Variants in BTBD19 observed in about 807,000 individuals in gnomAD.
BTBD19 encodes BTB/POZ domain-containing protein 19.
In BTBD19, 20 loss-of-function variants were observed where a neutral mutation model predicts 36.1. That is an observed-to-expected ratio of 0.55 (90% CI 0.39 to 0.80). The LOEUF is 0.80. Ranked by LOEUF, BTBD19 falls within the 30% of genes least tolerant of loss-of-function variation. The probability of loss-of-function intolerance (pLI) is 0.00; values close to 1 mark genes in which losing one functional copy is unlikely to be tolerated. For missense variants in BTBD19, 325 were observed against 389.8 expected, an observed-to-expected ratio of 0.83 and a Z score of 1.40; for synonymous variants, 157 against 174.3, an observed-to-expected ratio of 0.90 and a Z score of 0.78.
Position 44,813,033 on chromosome 1 carries a change from G to A in BTBD19, c.452G>A (p.Arg151His), listed in dbSNP as rs1002634583. 1.3e-6 allele frequency: 2 copies of A among 1,551,432 alleles called. No individual in the cohort carries two copies. The highest frequency in any genetic ancestry group is 8.7e-7 in the Non-Finnish European group (1 of 1,146,806). ...TTTGGCCTGGGGCAGCTGCAGGAGC[G>A]CTGCGTGGCTTTCATAGAGGCCCAC... is the stretch of plus-strand genomic sequence containing the variant. The change falls in exon 5 of 8, where the codon CGC becomes CAC. Residue 151 changes from arginine (R) to histidine (H), a missense_variant. Coordinates refer to ENST00000450269, the Ensembl canonical transcript of BTBD19. This position sits in a 1 kb window ranked among gnomAD's most constrained non-coding sequence, Gnocchi z 7.8.
rs1652540554 is a variant in BTBD19, at chr1:44,813,580, C to T, written c.742-58C>T. 5 of 1,534,574 alleles carry T rather than the reference C, an allele frequency of 3.3e-6. No homozygotes were observed. Among genetic ancestry groups the T allele is most frequent in the Non-Finnish European group, 4.4e-6 (5 of 1,135,912 alleles). The stretch of plus-strand genomic sequence containing the variant: ...GAGGGGGCAGGAGCAGCCCGGCCCA[C>T]GGTCCTCGGGGCGAGGGGCCACCGC... On this transcript the variant is annotated intron_variant, in intron 7 of 7. Coordinates refer to ENST00000450269, the Ensembl canonical transcript of BTBD19. The surrounding 1 kb of genome is among the most constrained non-coding windows in gnomAD (Gnocchi z 7.8).
At chr1:44,809,403 C>T (rs2148862005) in intron 1 of BTBD19, among the ~76,000 whole-genome samples, 1 of 152,282 alleles carries the variant, frequency 6.6e-6, no homozygotes, top group South Asian at 2.1e-4. Context: ...GCCGGGATGC[C>T]AGTGGTGTCT....
At chr1:44,809,741 G>A (rs1557631160) in intron 1 of BTBD19, among the ~76,000 whole-genome samples, 2 of 152,144 alleles carry the variant, frequency 1.3e-5, no homozygotes, top group Non-Finnish European at 1.5e-5. Flanking sequence ...GTTTGCAGTC[G>A]TTGTGCACTC....
chr1:44,814,164 T>TTCTG (rs1460344168), downstream of BTBD19: 11 of 120,822 alleles, frequency 9.1e-5, no homozygotes, highest in African/African-American at 4.2e-4. Context: ...CTTTCTTTCT[T>TTCTG]TCTTTCTTTC....
Position 44,813,265 on chromosome 1 carries a change from G to A in BTBD19, c.611G>A (p.Gly204Asp). 6.5e-7 allele frequency: 1 copy of A among 1,536,152 alleles called. No homozygotes were observed. Among genetic ancestry groups the A allele is most frequent in the Non-Finnish European group, 8.7e-7 (1 of 1,143,596 alleles). The change falls in exon 6 of 8, where the codon GGC (glycine) becomes GAC (aspartate). Residue 204 changes from glycine to aspartate, a missense_variant. Gly to Asp is a moderately conservative substitution (Grantham distance 94). Transcript: ENST00000450269. This position sits in a 1 kb window ranked among gnomAD's most constrained non-coding sequence, Gnocchi z 7.8. ...GCGGCCCGAAGCTGGGCGCGCGTGGGCGCGGTGAGTGGGGCTGGGGGAGCG... is the reference window on the plus strand; with the variant it reads ...GCGGCCCGAAGCTGGGCGCGCGTGGACGCGGTGAGTGGGGCTGGGGGAGCG...
chr1:44,814,166 C>CTTTCTT (rs1243107250), downstream of BTBD19: 84 of 137,122 alleles, frequency 6.1e-4, 2 homozygotes, highest in East Asian at 0.017. Context: ...TTCTTTCTTT[C>CTTTCTT]TTTCTTTCTT....
rs1379077841 is a variant in BTBD19 at position 44,810,605 on chromosome 1, G to A, written c.352G>A (p.Glu118Lys). 1 of 1,543,020 alleles carries A rather than the reference G, an allele frequency of 6.5e-7. No individual in the cohort carries two copies. The highest frequency in any genetic ancestry group is 2.5e-5 in the East Asian group (1 of 40,782). The stretch of plus-strand genomic sequence containing the variant: ...GGAGTATGGGCTGGAGGAACTGAGA[G>A]AGGTGGGTTTTTGTGCCAGGTCCCT... Residue 118 changes from glutamate to lysine, a missense_variant and splice_region_variant, in exon 3 of 8, where the codon GAG becomes AAG. By Grantham distance (56) the Glu-to-Lys change is moderately conservative. Transcript: ENST00000450269. The surrounding 1 kb of genome is among the most constrained non-coding windows in gnomAD (Gnocchi z 4.2).
At chr1:44,812,464 TG>T (rs1158260257) in intron 4 of BTBD19, 2 of 454,544 alleles carry the variant, frequency 4.4e-6, no homozygotes, top group Admixed American at 4.7e-5. Flanking sequence ...TCAGCACTTT[TG>T]GAGGCCGAGG....
chr1:44,812,869 A>T (rs1652489052), intron 4 of BTBD19, 127 bp from the exon 5 acceptor site: 4 of 726,210 alleles, frequency 5.5e-6, no homozygotes, highest in Non-Finnish European at 8.8e-6. Flanking sequence ...AGTTTCCTGG[A>T]GGGCTGAGGG....
exon 8 of BTBD19, chr1:44,814,004 G>C (rs1356344316): frequency 1.3e-5 from 8 of 636,814 alleles, no homozygotes; most frequent in African/African-American, 7.4e-5. Context: ...CCCTGAGGGG[G>C]TGAAACTCGA....
chr1:44,814,172 T>TTCTG (rs200696633), downstream of BTBD19: 84 of 140,802 alleles, frequency 6.0e-4, 1 homozygote, highest in African/African-American at 2.7e-3. Context: ...CTTTCTTTCT[T>TTCTG]TCTTTCTTTC....
At chr1:44,808,966 T>A in intron 1 of BTBD19, 60 bp downstream of exon 1, 1 of 1,368,586 alleles carries the variant, frequency 7.3e-7, no homozygotes, top group Non-Finnish European at 9.9e-7. Flanking sequence ...CCCAGGACTC[T>A]AAGGAGGCCC....
At position 44,808,833 on chromosome 1, in the gene BTBD19, G is replaced by T; in HGVS notation, c.13G>T (p.Gly5Ter). Residue 5 changes from glycine (G) to a stop codon, truncating the protein, a stop_gained, in exon 1 of 8, where the codon GGA (glycine) becomes TGA (stop). Transcript: ENST00000450269. LOFTEE classifies it high-confidence loss of function. ...CCCCTTCTCACTCATGGAGCCCTTG[G>T]GACTGGTCGTGCATGGGAAAGCTGA... is the stretch of plus-strand genomic sequence containing the variant. The T allele has an allele frequency of 1.3e-6, 2 of 1,549,058 alleles. No homozygotes were observed.
At chr1:44,814,523 C>T (rs952319517), downstream of BTBD19, 1 of 149,250 alleles carries the variant, frequency 6.7e-6, no homozygotes, top group Admixed American at 6.7e-5. Context: ...TGGTCTCGAT[C>T]TCCTGACCTT....
chr1:44,813,929 C>T lies in BTBD19; in HGVS notation c.*157C>T. The stretch of plus-strand genomic sequence containing the variant: ...AACCGTTGTCTGCCACGCGCAGCCC[C>T]TTGTGCGGGATCAAGCCCGTGTGGG... On this transcript the variant is annotated 3_prime_UTR_variant, in exon 8 of 8. Coordinates refer to ENST00000450269, the Ensembl canonical transcript of BTBD19. This position sits in a 1 kb window ranked among gnomAD's most constrained non-coding sequence, Gnocchi z 7.8. 8.0e-7 allele frequency: 1 copy of T among 1,245,816 alleles called. No homozygotes were observed. The highest frequency in any genetic ancestry group is 1.1e-6 in the Non-Finnish European group (1 of 896,132). 77.2% of individuals were successfully genotyped at this position (1,245,816 alleles called of 1,614,324 possible).
chr1:44,811,956 A>C (rs1390009724), intron 3 of BTBD19, 83 bp from the exon 4 acceptor site: 15 of 1,145,444 alleles, frequency 1.3e-5, no homozygotes, highest in Non-Finnish European at 1.8e-5. Context: ...CACCGCTCCA[A>C]GCCTGCTCAC....
rs1334772165 is a variant in BTBD19 at position 44,813,690 on chromosome 1, A to G, written c.794A>G (p.Glu265Gly). Residue 265 changes from glutamate (E) to glycine (G), a missense_variant, in exon 8 of 8, where the codon GAG becomes GGG. By Grantham distance (98) the Glu-to-Gly change is moderately conservative. Transcript: ENST00000450269. The surrounding 1 kb of genome is among the most constrained non-coding windows in gnomAD (Gnocchi z 7.8). ...TGCCATGCCCTGCGGAGAGGGGATG[A>G]GGCCCGGGGCGCCCCGTGTCGCCGC... is the stretch of plus-strand genomic sequence containing the variant. 3 of 1,551,278 alleles carry G rather than the reference A, an allele frequency of 1.9e-6. No individual in the cohort carries two copies. Among genetic ancestry groups the G allele is most frequent in the African/African-American group, 2.7e-5 (2 of 73,046 alleles).
At position 44,813,858 on chromosome 1, in the gene BTBD19, A is replaced by C; in HGVS notation, c.*86A>C. On this transcript the variant is annotated 3_prime_UTR_variant, in exon 8 of 8. Coordinates refer to ENST00000450269, the Ensembl canonical transcript of BTBD19. This position sits in a 1 kb window ranked among gnomAD's most constrained non-coding sequence, Gnocchi z 7.8. Reference sequence around the variant, plus strand: ...AGCTCCCGAAGTGCTCGGCGTTCGGAGCGGGCTTCCGTTCCCAGCGTGCCC... The same window carrying C: ...AGCTCCCGAAGTGCTCGGCGTTCGGCGCGGGCTTCCGTTCCCAGCGTGCCC... 1 of 1,522,814 alleles carries C rather than the reference A, an allele frequency of 6.6e-7. No individual in the cohort carries two copies. The highest frequency in any genetic ancestry group is 8.9e-7 in the Non-Finnish European group (1 of 1,124,286). The allele number at this position is 1,522,814 out of a possible 1,614,324, so 94.3% of individuals were successfully genotyped here.
At chr1:44,814,154 CTTTCTT>C (rs1427287914), downstream of BTBD19, 4 of 100,726 alleles carry the variant, frequency 4.0e-5, no homozygotes, top group East Asian at 6.0e-4. Flanking sequence ...CTTTCTCTTT[CTTTCTT>C]TCTTTCTTTC....
Sources: gnomAD v4.1 joint callset for allele counts (sites outside exome capture counted in the v4.1 genomes callset) on GRCh38, gnomAD v4.1.1 for gene constraint, Gnocchi (gnomAD v3.1) non-coding constraint, MANE v1.5 for transcripts, NCBI Gene and HGNC (gene_info 2026-07-23, HGNC 2026-07-21) for gene names.